THSD4: variants seen among roughly 807,000 people sequenced by gnomAD.
The protein encoded by THSD4 is thrombospondin type 1 domain containing 4.
In THSD4, 69 loss-of-function variants were observed where a neutral mutation model predicts 119.0. The observed-to-expected ratio is 0.58, with a 90% CI of 0.48 to 0.71. THSD4 has a LOEUF of 0.71. THSD4 is among the 30% of genes least tolerant of loss of function. THSD4 has a pLI of 0.00. For synonymous variants in THSD4, 524 were observed against 540.4 expected, an observed-to-expected ratio of 0.97 and a Z score of 0.42; for missense variants, 1,393 against 1,391.1, an observed-to-expected ratio of 1.00 and a Z score of -0.02.
At chr15:71,118,156 A>G (rs627680) in intron 1 of THSD4, among the ~76,000 whole-genome samples, 79,232 of 151,718 alleles carry the variant, frequency 0.52, 22,603 homozygotes, top group African/African-American at 0.78. Flanking sequence ...GAAAGACTGA[A>G]AGATAGGAAA....
chr15:71,556,841 G>A (rs1479907371), intron 7 of THSD4, among the ~76,000 whole-genome samples: 1 of 150,388 alleles, frequency 6.6e-6, no homozygotes, highest in Non-Finnish European at 1.5e-5. Flanking sequence ...TCAGTTTTAT[G>A]TAGGAACTTT....
intron 6 of THSD4, among the ~76,000 whole-genome samples, chr15:71,271,077 G>A (rs1008623690): frequency 8.6e-5 from 13 of 152,006 alleles, no homozygotes; most frequent in African/African-American, 3.1e-4. Context: ...TTCTCTGCAA[G>A]CTTTTATAAA....
At chr15:71,185,663 C>T (rs1399181690) in intron 3 of THSD4, 2 of 152,200 alleles carry the variant, frequency 1.3e-5, no homozygotes, top group African/African-American at 4.8e-5. Flanking sequence ...TTATTTTCTT[C>T]CTGTGCCTTT....
At chr15:71,223,486 T>A (rs1024057625) in intron 4 of THSD4, among the ~76,000 whole-genome samples, 1 of 152,238 alleles carries the variant, frequency 6.6e-6, no homozygotes, top group Admixed American at 6.5e-5. Flanking sequence ...TCATTAGAAG[T>A]TGGCCCTGCA....
intron 7 of THSD4, among the ~76,000 whole-genome samples, chr15:71,633,748 A>G (rs1056699485): frequency 6.6e-6 from 1 of 152,250 alleles, no homozygotes; most frequent in Non-Finnish European, 1.5e-5. Flanking sequence ...TGGCAGTTAA[A>G]TAACAGGAAA....
chr15:71,194,808 A>G (rs2043705461), intron 3 of THSD4, among the ~76,000 whole-genome samples: 1 of 152,180 alleles, frequency 6.6e-6, no homozygotes, highest in Non-Finnish European at 1.5e-5. Context: ...GTTGGATTGT[A>G]AGACACAGCC....
rs1402446478 is a variant in THSD4 at position 71,778,712 on chromosome 15, G to A, written c.*1338G>A. On this transcript the variant is annotated 3_prime_UTR_variant, in exon 18 of 18. Coordinates refer to ENST00000261862, the MANE Select transcript of THSD4 (RefSeq NM_024817.3). Reference sequence around the variant, plus strand: ...TCACAGTCCATATGGCCCACCCCCAGACTTGAGCACCAAGCTCTGCATTAA... The same window carrying A: ...TCACAGTCCATATGGCCCACCCCCAAACTTGAGCACCAAGCTCTGCATTAA... 1.4e-5 allele frequency: 2 copies of A among 138,740 alleles called. No homozygotes were observed. Among genetic ancestry groups the A allele is most frequent in the Non-Finnish European group, 3.0e-5 (2 of 65,950 alleles). The allele number at this position is 138,740 out of a possible 1,614,324, so 8.6% of individuals were successfully genotyped here. A position where few individuals can be genotyped will look rare whatever the true frequency, so the allele number is the denominator to read the frequency against.
chr15:71,496,890 G>A (rs1245484985), intron 7 of THSD4, among the ~76,000 whole-genome samples: 1 of 152,144 alleles, frequency 6.6e-6, no homozygotes, highest in Non-Finnish European at 1.5e-5. Flanking sequence ...AGGGTTGGTA[G>A]CAGCTAAAAA....
At chr15:71,704,695 A>T (rs1423379284) in intron 8 of THSD4, among the ~76,000 whole-genome samples, 3 of 152,252 alleles carry the variant, frequency 2.0e-5, no homozygotes, top group Non-Finnish European at 1.5e-5. Flanking sequence ...AGCAATCACC[A>T]TGAACCAGGC....
chr15:71,517,578 G>T (rs2048378853), intron 7 of THSD4, among the ~76,000 whole-genome samples: 1 of 152,106 alleles, frequency 6.6e-6, no homozygotes, highest in Non-Finnish European at 1.5e-5. Context: ...GTGAATAAGG[G>T]ATACCTCCTA....
chr15:71,737,903 G>T lies in THSD4; in HGVS notation c.1802G>T (p.Arg601Leu). 1.9e-6 allele frequency: 3 copies of T among 1,614,228 alleles called. No homozygotes were observed. Among genetic ancestry groups the T allele is most frequent in the Non-Finnish European group, 2.5e-6 (3 of 1,180,036 alleles). ...VRHPDRFSPH[R>L]PDNLVPPAPQ... Reference sequence around the variant, plus strand: ...CATCCAGACAGATTTTCTCCCCATCGACCGGACAACTTGGTGCCACCAGCA... The same window carrying T: ...CATCCAGACAGATTTTCTCCCCATCTACCGGACAACTTGGTGCCACCAGCA... The change falls in exon 11 of 18, where the codon CGA becomes CTA. Residue 601 changes from arginine to leucine, a missense_variant. Physicochemically the swap from Arg to Leu is moderately radical, Grantham distance 102. Transcript: ENST00000261862.
intron 5 of THSD4, among the ~76,000 whole-genome samples, chr15:71,249,291 A>T (rs1255337002): frequency 6.6e-6 from 1 of 152,092 alleles, no homozygotes; most frequent in Non-Finnish European, 1.5e-5. Flanking sequence ...TTTCATGATT[A>T]TAGAAAGTTG....
intron 8 of THSD4, among the ~76,000 whole-genome samples, chr15:71,681,785 C>T (rs2051786215): frequency 6.6e-6 from 1 of 152,016 alleles, no homozygotes; most frequent in African/African-American, 2.4e-5. Flanking sequence ...TGTCCCCTAA[C>T]TCAGCTCATT....
chr15:71,690,196 G>C (rs1359357481), intron 8 of THSD4, among the ~76,000 whole-genome samples: 1 of 152,208 alleles, frequency 6.6e-6, no homozygotes. Context: ...TTGAGGTTTT[G>C]TGATTAATGG....
At chr15:71,610,781 A>G (rs1452508742) in intron 7 of THSD4, among the ~76,000 whole-genome samples, 1 of 152,224 alleles carries the variant, frequency 6.6e-6, no homozygotes, top group East Asian at 1.9e-4. Flanking sequence ...AATGAAAGGT[A>G]ATGCTCTGAT....
At chr15:71,773,799 G>A (rs927277631) in intron 17 of THSD4, among the ~76,000 whole-genome samples, 14 of 152,120 alleles carry the variant, frequency 9.2e-5, no homozygotes, top group Admixed American at 8.5e-4. Flanking sequence ...TGAGTACATG[G>A]GTACATGTGT....
intron 6 of THSD4, among the ~76,000 whole-genome samples, chr15:71,296,471 C>G (rs559539651): frequency 2.0e-5 from 3 of 152,272 alleles, no homozygotes; most frequent in South Asian, 4.1e-4. Flanking sequence ...GGCCTGTTGT[C>G]TCTATTAGTC....
At chr15:71,704,127 T>C (rs979419718) in intron 8 of THSD4, among the ~76,000 whole-genome samples, 19 of 152,170 alleles carry the variant, frequency 1.2e-4, no homozygotes, top group Non-Finnish European at 1.9e-4. Context: ...GGATTACAGG[T>C]GTGAGCCACT....
intron 6 of THSD4, among the ~76,000 whole-genome samples, chr15:71,335,651 C>T (rs746706433): frequency 6.6e-6 from 1 of 152,040 alleles, no homozygotes; most frequent in Non-Finnish European, 1.5e-5. Flanking sequence ...AACTTCAAGG[C>T]CCAATTTCCT....
Sources: allele counts gnomAD v4.1 joint callset (sites outside exome capture counted in the v4.1 genomes callset), GRCh38; gene constraint gnomAD v4.1.1; transcripts MANE v1.5; gene names NCBI Gene and HGNC (gene_info 2026-07-23, HGNC 2026-07-21).